CSMD3: variants seen among roughly 807,000 people sequenced by gnomAD.
The protein encoded by CSMD3 is CUB and sushi domain-containing protein 3.
In CSMD3, 177 loss-of-function variants were observed where a neutral mutation model predicts 435.2. The observed-to-expected ratio is 0.41, with a 90% CI of 0.36 to 0.46. CSMD3 has a LOEUF of 0.46. CSMD3 is among the 20% of genes least tolerant of loss of function. The probability of loss-of-function intolerance (pLI) is 0.34; values close to 1 mark genes in which losing one functional copy is unlikely to be tolerated. For synonymous variants in CSMD3, 1,656 were observed against 1,520.5 expected (o/e 1.09, Z -2.07); for missense variants, 4,265 against 4,504.6 (o/e 0.95, Z 1.52).
At chr8:112,704,931 G>C (rs2076466611) in intron 13 of CSMD3, among the ~76,000 whole-genome samples, 1 of 151,948 alleles carries the variant, frequency 6.6e-6, no homozygotes, top group African/African-American at 2.4e-5. Context: ...CAATTAAATG[G>C]GATATAGTGG....
chr8:113,214,337 G>A (rs1356965679), intron 3 of CSMD3, among the ~76,000 whole-genome samples: 2 of 151,928 alleles, frequency 1.3e-5, no homozygotes, highest in African/African-American at 2.4e-5. Flanking sequence ...GTGTATAATT[G>A]AGGAGCAGAT....
At chr8:113,188,759 G>A (rs537405175) in intron 3 of CSMD3, among the ~76,000 whole-genome samples, 21 of 151,906 alleles carry the variant, frequency 1.4e-4, no homozygotes, top group African/African-American at 4.1e-4. Context: ...ACCTGCCTTC[G>A]AATCCTATCT....
At chr8:113,298,100 A>G (rs1236529630) in intron 2 of CSMD3, among the ~76,000 whole-genome samples, 1 of 152,112 alleles carries the variant, frequency 6.6e-6, no homozygotes, top group Non-Finnish European at 1.5e-5. Context: ...AGCAATTAGA[A>G]GGTATAAAAA....
intron 15 of CSMD3, among the ~76,000 whole-genome samples, chr8:112,682,931 G>A (rs2075933715): frequency 6.6e-6 from 1 of 152,028 alleles, no homozygotes; most frequent in Non-Finnish European, 1.5e-5. Flanking sequence ...GACTAGCTAA[G>A]ATTATGAAAA....
intron 3 of CSMD3, among the ~76,000 whole-genome samples, chr8:113,269,407 GC>G (rs2093500076): frequency 6.6e-6 from 1 of 152,038 alleles, no homozygotes; most frequent in Admixed American, 6.6e-5. Context: ...TAGATTCAGC[GC>G]CATCCCCATC....
chr8:112,925,386 G>A (rs1365240032), intron 9 of CSMD3, among the ~76,000 whole-genome samples: 2 of 151,674 alleles, frequency 1.3e-5, no homozygotes, highest in African/African-American at 2.4e-5. Context: ...GTGAGACCCC[G>A]TCTCTACTAA....
chr8:113,406,260 AC>A (rs1436470523), intron 1 of CSMD3, among the ~76,000 whole-genome samples: 1 of 151,866 alleles, frequency 6.6e-6, no homozygotes, highest in Non-Finnish European at 1.5e-5. Flanking sequence ...CTTTTGAAGT[AC>A]CCTGGATCAT....
intron 16 of CSMD3, among the ~76,000 whole-genome samples, chr8:112,676,433 T>C (rs918223842): frequency 6.6e-6 from 1 of 152,052 alleles, no homozygotes; most frequent in Non-Finnish European, 1.5e-5. Context: ...TAAAATTTAA[T>C]AACATATATA....
chr8:112,427,877 T>C (rs1449137561), intron 32 of CSMD3, among the ~76,000 whole-genome samples: 1 of 152,192 alleles, frequency 6.6e-6, no homozygotes, highest in African/African-American at 2.4e-5. Flanking sequence ...GCCTCGTAAG[T>C]AAAGTTCCTG....
chr8:112,456,984 A>C (rs1816900678), intron 32 of CSMD3, among the ~76,000 whole-genome samples: 1 of 152,098 alleles, frequency 6.6e-6, no homozygotes, highest in Non-Finnish European at 1.5e-5. Flanking sequence ...GGCCAAATTA[A>C]AATTCAAATA....
intron 13 of CSMD3, among the ~76,000 whole-genome samples, chr8:112,762,802 C>T (rs1225878903): frequency 6.6e-6 from 1 of 151,526 alleles, no homozygotes; most frequent in East Asian, 1.9e-4. Context: ...CCAGAAATAA[C>T]AGAAAGACAA....
chr8:112,387,650 C>G (rs1186271056), intron 36 of CSMD3, among the ~76,000 whole-genome samples: 1 of 152,064 alleles, frequency 6.6e-6, no homozygotes, highest in Non-Finnish European at 1.5e-5. Context: ...GCTAAACGTG[C>G]TGCTAAACTC....
intron 32 of CSMD3, among the ~76,000 whole-genome samples, chr8:112,447,312 A>G (rs1316403191): frequency 6.6e-6 from 1 of 152,186 alleles, no homozygotes; most frequent in Non-Finnish European, 1.5e-5. Flanking sequence ...AAATAAAATG[A>G]AACTCATGTA....
intron 49 of CSMD3, 74 bp downstream of exon 49, chr8:112,313,832 T>A (rs1822212364): frequency 8.4e-7 from 1 of 1,190,816 alleles, no homozygotes; most frequent in Non-Finnish European, 1.2e-6. Flanking sequence ...AACTGAATAG[T>A]GTCTCTGCTC....
chr8:113,380,268 A>G (rs1381154751), intron 1 of CSMD3, among the ~76,000 whole-genome samples: 2 of 152,148 alleles, frequency 1.3e-5, no homozygotes, highest in African/African-American at 4.8e-5. Context: ...TAACATTCTA[A>G]TTTAACAGGA....
chr8:112,293,017 G>T (rs377448024), intron 54 of CSMD3, among the ~76,000 whole-genome samples: 4 of 152,014 alleles, frequency 2.6e-5, no homozygotes, highest in African/African-American at 7.2e-5. Context: ...CTACTTTATT[G>T]GGGAGGCAAA....
At chr8:112,937,011 G>A (rs1162379313) in intron 9 of CSMD3, among the ~76,000 whole-genome samples, 2 of 152,018 alleles carry the variant, frequency 1.3e-5, no homozygotes, top group African/African-American at 4.8e-5. Flanking sequence ...AGACCATGAA[G>A]GTAAAGTAGA....
In CSMD3 at chr8:112,638,719, T is replaced by A; in HGVS notation, c.3503A>T (p.Glu1168Val). 1 of 1,594,724 alleles carries A rather than the reference T, an allele frequency of 6.3e-7. No individual in the cohort carries two copies. The highest frequency in any genetic ancestry group is 1.1e-5 in the South Asian group (1 of 90,668). The change falls in exon 21 of 71, where the codon GAA (glutamate) becomes GTA (valine). Residue 1168 changes from glutamate (E) to valine (V), a missense_variant. By Grantham distance (121) the Glu-to-Val change is moderately radical (BLOSUM62 -2). Transcript: ENST00000297405. ...ACCAGAGAATGTTATGTTAAATCCT[T>A]CATATGATATTGAAAAATCTGAAAT... ...RFISDFSISY[E>V]GFNITFSEYN... is the part of the protein sequence containing the mutation.
chr8:112,470,220 C>T (rs1818382296), intron 32 of CSMD3, among the ~76,000 whole-genome samples: 1 of 152,094 alleles, frequency 6.6e-6, no homozygotes. Context: ...CTAAATAACA[C>T]AAATAATTGT....
Sources: allele counts gnomAD v4.1 joint callset (sites outside exome capture counted in the v4.1 genomes callset), GRCh38; gene constraint gnomAD v4.1.1; transcripts MANE v1.5; gene names NCBI Gene and HGNC (gene_info 2026-07-23, HGNC 2026-07-21).